The following BBS9 variants were observed in gnomAD, a reference collection of about 807,000 sequenced individuals.
The protein encoded by BBS9 is protein PTHB1.
BBS9 carries 89 observed loss-of-function variants against 117.7 expected under a neutral mutation model. The ratio of observed to expected loss-of-function variants is 0.76; its 90% CI spans 0.64 to 0.90. The LOEUF (loss-of-function observed/expected upper bound fraction) is 0.90, where lower values mean the gene tolerates loss of function less well. BBS9 is among the 40% of genes least tolerant of loss of function. The pLI, the probability that BBS9 is intolerant of heterozygous loss-of-function variation, is 0.00. For missense variants in BBS9, 982 were observed against 1,042.2 expected (o/e 0.94, Z 0.80); for synonymous variants, 379 against 370.9 (o/e 1.02, Z -0.25).
chr7:33,566,706 A>G (rs1856978799), intron 21 of BBS9, among the ~76,000 whole-genome samples: 1 of 151,966 alleles, frequency 6.6e-6, no homozygotes, highest in Non-Finnish European at 1.5e-5. Flanking sequence ...TCATTACTGT[A>G]TGTATACAGT....
intron 1 of BBS9, among the ~76,000 whole-genome samples, chr7:33,139,162 G>T (rs1308282845): frequency 1.3e-5 from 2 of 151,250 alleles, no homozygotes; most frequent in Non-Finnish European, 2.9e-5. Context: ...TGAGGCAGGA[G>T]AATTGCTTGA....
rs924289483 is a variant in BBS9 at position 33,515,054 on chromosome 7, A to G, written c.2298+9409A>G. Among the ~76,000 whole-genome samples the G allele has an allele frequency of 3.9e-5, 6 of 152,152 alleles. No homozygotes were observed. The East Asian group carries it at 7.7e-4, about 20-fold the overall frequency. ...AGGCATCCAAGAATTGGTAGTTACTATTGCCACTGTATGACAACAATGCCA... is the reference window on the plus strand; with the variant it reads ...AGGCATCCAAGAATTGGTAGTTACTGTTGCCACTGTATGACAACAATGCCA... On this transcript the variant is annotated intron_variant, in intron 20 of 22. Coordinates refer to ENST00000242067, the MANE Select transcript of BBS9 (RefSeq NM_198428.3).
At chr7:33,550,248 G>A (rs573919196) in intron 21 of BBS9, among the ~76,000 whole-genome samples, 94 of 152,132 alleles carry the variant, frequency 6.2e-4, no homozygotes, top group African/African-American at 2.2e-3. Context: ...TCTGTTTTCA[G>A]TGTAAATTTG....
chr7:33,387,880 G>A (rs1826309708), intron 18 of BBS9, 112 bp from the exon 19 acceptor site: 2 of 1,188,036 alleles, frequency 1.7e-6, no homozygotes, highest in South Asian at 1.3e-5. Flanking sequence ...ACTCTATAAT[G>A]CATTTAAATT....
chr7:33,161,868 C>T (rs1202842917), intron 4 of BBS9, among the ~76,000 whole-genome samples: 2 of 152,174 alleles, frequency 1.3e-5, no homozygotes, highest in Non-Finnish European at 2.9e-5. Flanking sequence ...TCTCTGATGA[C>T]CAGTGATGAT....
intron 19 of BBS9, among the ~76,000 whole-genome samples, chr7:33,412,097 G>A (rs1167444341): frequency 6.6e-6 from 1 of 151,918 alleles, no homozygotes; most frequent in East Asian, 1.9e-4. Context: ...TGACTAATAG[G>A]AACTGTATAG....
chr7:33,477,196 A>G (rs999338765), intron 19 of BBS9, among the ~76,000 whole-genome samples: 3 of 152,202 alleles, frequency 2.0e-5, no homozygotes, highest in African/African-American at 7.2e-5. Context: ...CACTAAATGC[A>G]CTTTGAGAAG....
At chr7:33,354,844 C>T (rs1314638341) in intron 15 of BBS9, among the ~76,000 whole-genome samples, 2 of 151,804 alleles carry the variant, frequency 1.3e-5, no homozygotes, top group Non-Finnish European at 2.9e-5. Context: ...ATTAATTGCA[C>T]CATAGTAGTT....
At chr7:33,479,103 C>A (rs1032094687) in intron 19 of BBS9, among the ~76,000 whole-genome samples, 5 of 152,006 alleles carry the variant, frequency 3.3e-5, no homozygotes, top group Non-Finnish European at 7.4e-5. Flanking sequence ...TTTCTTCCAA[C>A]TTTAATTTTA....
At chr7:33,406,309 A>T (rs941174685) in intron 19 of BBS9, among the ~76,000 whole-genome samples, 7 of 152,096 alleles carry the variant, frequency 4.6e-5, no homozygotes, top group Admixed American at 1.3e-4. Context: ...TGAAGAAAAT[A>T]TATATTCTGT....
intron 19 of BBS9, among the ~76,000 whole-genome samples, chr7:33,494,659 A>T (rs902568267): frequency 5.3e-5 from 8 of 152,200 alleles, no homozygotes; most frequent in African/African-American, 1.9e-4. Context: ...ATCTTAATGG[A>T]TACTCTTGGC....
At chr7:33,196,240 C>T (rs1013845569) in intron 5 of BBS9, among the ~76,000 whole-genome samples, 2 of 151,968 alleles carry the variant, frequency 1.3e-5, no homozygotes, top group Admixed American at 6.6e-5. Context: ...TGAGGTTTTG[C>T]TACATCTTGA....
At position 33,177,582 on chromosome 7, in the gene BBS9, G is replaced by A. The variant is rs144340890; in HGVS notation, c.433G>A (p.Gly145Ser). The A allele has an allele frequency of 7.1e-5, 114 of 1,606,972 alleles. No homozygotes were observed. Among genetic ancestry groups the A allele is most frequent in the Non-Finnish European group, 9.1e-5 (107 of 1,173,950 alleles). ...ACNMTYGSFG[G>S]VKGRDLICIQ... Reference sequence around the variant, plus strand: ...CAATATGACCTATGGATCATTTGGTGGTGTAAAAGGTAATTTGCTTTTAAT... The same window carrying A: ...CAATATGACCTATGGATCATTTGGTAGTGTAAAAGGTAATTTGCTTTTAAT... Residue 145 changes from glycine to serine, a missense_variant, in exon 5 of 23, where the codon GGT (glycine) becomes AGT (serine). Transcript: ENST00000242067.
At chr7:33,280,199 A>G (rs768966283) in intron 9 of BBS9, among the ~76,000 whole-genome samples, 2 of 152,188 alleles carry the variant, frequency 1.3e-5, no homozygotes, top group Non-Finnish European at 2.9e-5. Context: ...TATTTTAGAT[A>G]CAGCAGGTAC....
In BBS9 at chr7:33,451,118, G is replaced by A. The variant is rs972430789; in HGVS notation, c.2116-54345G>A. The stretch of plus-strand genomic sequence containing the variant: ...TTAGCCAGGATGGTCTCGATCTCCT[G>A]ACCTCGTGATCTGCCTGCCTCGGCC... On this transcript the variant is annotated intron_variant, in intron 19 of 22. Coordinates refer to ENST00000242067, the MANE Select transcript of BBS9 (RefSeq NM_198428.3). Among the ~76,000 whole-genome samples the A allele has an allele frequency of 7.2e-5, 11 of 152,164 alleles. No homozygotes were observed. The South Asian group carries it at 1.9e-3, about 26-fold the overall frequency.
At chr7:33,285,549 A>T (rs1268863645) in intron 9 of BBS9, among the ~76,000 whole-genome samples, 1 of 152,128 alleles carries the variant, frequency 6.6e-6, no homozygotes, top group Non-Finnish European at 1.5e-5. Flanking sequence ...TCATCGTTAC[A>T]TGCATGCATA....
chr7:33,374,623 C>T lies in BBS9; in HGVS notation c.1789+6761C>T, dbSNP rs182440172. 7.1e-3 allele frequency among the ~76,000 whole-genome samples: 1,076 copies of T among 152,046 alleles called. 17 individuals are homozygous for T. Among genetic ancestry groups the T allele is most frequent in the African/African-American group, 0.025 (1,026 of 41,496 alleles). On this transcript the variant is annotated intron_variant, in intron 17 of 22. Transcript: ENST00000242067. ...TAAAATGTTAAACCTACCAAAAGGC[C>T]GGGCGTGGTGGCTCACGCCTGTAAT...
intron 16 of BBS9, among the ~76,000 whole-genome samples, chr7:33,366,649 A>G (rs908742050): frequency 4.9e-5 from 7 of 143,006 alleles, no homozygotes; most frequent in African/African-American, 1.8e-4. Flanking sequence ...GGTTCAAGCG[A>G]TTCTCCTGCC....
intron 4 of BBS9, among the ~76,000 whole-genome samples, chr7:33,165,012 A>T (rs1351333201): frequency 6.6e-6 from 1 of 152,088 alleles, no homozygotes; most frequent in South Asian, 2.1e-4. Flanking sequence ...GAGCTCTTGT[A>T]AGGCAGGTCT....
Sources: allele counts gnomAD v4.1 joint callset (sites outside exome capture counted in the v4.1 genomes callset), GRCh38; gene constraint gnomAD v4.1.1; transcripts MANE v1.5; gene names NCBI Gene and HGNC (gene_info 2026-07-23, HGNC 2026-07-21).